Variants in MYO18B observed in about 807,000 individuals in gnomAD.
MYO18B encodes unconventional myosin-XVIIIb.
In MYO18B, 204 loss-of-function variants were observed where a neutral mutation model predicts 273.0. The ratio of observed to expected loss-of-function variants is 0.75; its 90% CI spans 0.67 to 0.84. The LOEUF is 0.84. Among genes scored for constraint, MYO18B ranks in the 40% least tolerant of loss-of-function variants. The probability of loss-of-function intolerance (pLI) is 0.00; values close to 1 mark genes in which losing one functional copy is unlikely to be tolerated. For missense variants in MYO18B, 3,212 were observed against 3,287.6 expected (o/e 0.98, Z 0.56); for synonymous variants, 1,330 against 1,305.7 (o/e 1.02, Z -0.40).
the MYO18B span, among the ~76,000 whole-genome samples, chr22:26,045,705 G>A: frequency 2.0e-5 from 3 of 152,222 alleles, no homozygotes; most frequent in Non-Finnish European, 4.4e-5. Context: ...TCAAGTAACT[G>A]CGGCTTTTGC....
chr22:25,929,029 GC>G (rs1170744687), intron 34 of MYO18B, among the ~76,000 whole-genome samples: 2 of 152,064 alleles, frequency 1.3e-5, no homozygotes, highest in African/African-American at 2.4e-5. Flanking sequence ...GGGCATGATG[GC>G]GCATGCCTGT....
At chr22:25,762,463 A>G (rs1399271505) in intron 2 of MYO18B, among the ~76,000 whole-genome samples, 1 of 152,238 alleles carries the variant, frequency 6.6e-6, no homozygotes. Flanking sequence ...CTAAAGACAC[A>G]CTTCAGTCGG....
chr22:25,906,675 G>A (rs1039732976), intron 31 of MYO18B, among the ~76,000 whole-genome samples: 12 of 151,992 alleles, frequency 7.9e-5, no homozygotes, highest in African/African-American at 2.7e-4. Flanking sequence ...GGTAATTTAT[G>A]CAAAAAAGAG....
intron 33 of MYO18B, among the ~76,000 whole-genome samples, chr22:25,918,382 C>T (rs1313740215): frequency 6.6e-6 from 1 of 152,216 alleles, no homozygotes; most frequent in Admixed American, 6.5e-5. Context: ...AATATAGTTA[C>T]TCACAACAAC....
At chr22:25,770,266 A>T in intron 5 of MYO18B, 90 bp downstream of exon 5, 2 of 1,331,344 alleles carry the variant, frequency 1.5e-6, no homozygotes, top group Non-Finnish European at 1.1e-6. Context: ...TCCTGATTAT[A>T]CTTTGGTGGT....
intron 28 of MYO18B, 53 bp from the exon 29 acceptor site, chr22:25,898,254 A>G: frequency 1.9e-6 from 3 of 1,565,532 alleles, no homozygotes; most frequent in Non-Finnish European, 1.7e-6. Context: ...TACAAAGTAA[A>G]AAGCTCGTTC....
At chr22:25,882,814 G>C (rs1051788537) in intron 25 of MYO18B, among the ~76,000 whole-genome samples, 13 of 152,298 alleles carry the variant, frequency 8.5e-5, no homozygotes, top group African/African-American at 3.1e-4. Flanking sequence ...TAGTGATGAA[G>C]TCTGGGCTTT....
intron 3 of MYO18B, among the ~76,000 whole-genome samples, chr22:25,764,299 G>A (rs1369994750): frequency 1.3e-5 from 2 of 152,220 alleles, no homozygotes; most frequent in African/African-American, 4.8e-5. Context: ...CTTTAGCCAT[G>A]GAACCTGGGC....
intron 29 of MYO18B, among the ~76,000 whole-genome samples, 177 bp from the exon 30 acceptor site, chr22:25,902,436 G>A (rs1295096469): frequency 2.0e-5 from 3 of 152,188 alleles, no homozygotes; most frequent in Non-Finnish European, 4.4e-5. Flanking sequence ...TTACGTAAAA[G>A]CATTGAGAAA....
intron 39 of MYO18B, among the ~76,000 whole-genome samples, chr22:25,959,595 C>T (rs1224139221): frequency 6.6e-6 from 1 of 152,190 alleles, no homozygotes; most frequent in Non-Finnish European, 1.5e-5. Context: ...TTAGAATTCA[C>T]ATCCTCCCTG....
At chr22:25,773,306 A>G (rs1458608077) in intron 7 of MYO18B, among the ~76,000 whole-genome samples, 1 of 152,148 alleles carries the variant, frequency 6.6e-6, no homozygotes, top group Non-Finnish European at 1.5e-5. Flanking sequence ...CTAGGAAGAA[A>G]AGACAGTCCA....
At chr22:25,809,256 C>T (rs2088624905) in intron 12 of MYO18B, among the ~76,000 whole-genome samples, 1 of 152,080 alleles carries the variant, frequency 6.6e-6, no homozygotes, top group African/African-American at 2.4e-5. Context: ...CTTTAACCTT[C>T]TCTGATCCCT....
At chr22:25,963,290 T>C (rs777130994) in intron 39 of MYO18B, among the ~76,000 whole-genome samples, 6 of 151,712 alleles carry the variant, frequency 4.0e-5, no homozygotes, top group Non-Finnish European at 7.4e-5. Flanking sequence ...CCTGGATATC[T>C]TAAAACAACA....
chr22:25,841,883 C>T (rs573029242), intron 17 of MYO18B, among the ~76,000 whole-genome samples: 12 of 152,346 alleles, frequency 7.9e-5, no homozygotes, highest in African/African-American at 1.7e-4. Context: ...CGGACATTTG[C>T]GCCAAAGCCT....
chr22:26,000,258 G>A (rs543884764), intron 40 of MYO18B, among the ~76,000 whole-genome samples: 23 of 152,266 alleles, frequency 1.5e-4, no homozygotes, highest in Non-Finnish European at 2.5e-4. Context: ...TGTAGAATTC[G>A]TTTTTTATAC....
chr22:25,788,433 T>C (rs2087493324), intron 11 of MYO18B, among the ~76,000 whole-genome samples: 1 of 152,224 alleles, frequency 6.6e-6, no homozygotes, highest in Admixed American at 6.5e-5. Context: ...AATGTTTTAG[T>C]ATAAGCATGT....
Position 25,950,464 on chromosome 22 carries a change from G to A in MYO18B, c.5832+14G>A. 1 of 1,590,804 alleles carries A rather than the reference G, an allele frequency of 6.3e-7. No individual in the cohort carries two copies. The highest frequency in any genetic ancestry group is 8.6e-7 in the Non-Finnish European group (1 of 1,168,284). On this transcript the variant is annotated intron_variant, in intron 37 of 43. Transcript: ENST00000335473. ...CTACAAGAACAAGTATGTGCTCAGA[G>A]CCATCCTATAGTTGTATTAGTCAGG...
intron 25 of MYO18B, 46 bp downstream of exon 25, chr22:25,878,094 A>G (rs1158932232): frequency 7.0e-7 from 1 of 1,432,488 alleles, no homozygotes; most frequent in East Asian, 2.5e-5. Context: ...GTCTTTATGT[A>G]TGTGAGATCT....
chr22:26,019,533 A>G (rs1012992392), intron 42 of MYO18B, among the ~76,000 whole-genome samples: 5 of 152,248 alleles, frequency 3.3e-5, no homozygotes, highest in Non-Finnish European at 7.3e-5. Flanking sequence ...TGGCTTAGTA[A>G]GTGCCTCCCA....
Sources: gnomAD v4.1 joint callset for allele counts (sites outside exome capture counted in the v4.1 genomes callset) on GRCh38, gnomAD v4.1.1 for gene constraint, MANE v1.5 for transcripts, NCBI Gene and HGNC (gene_info 2026-07-23, HGNC 2026-07-21) for gene names.